TTLL7: variants seen among roughly 807,000 people sequenced by gnomAD.
The protein encoded by TTLL7 is tubulin polyglutamylase TTLL7.
TTLL7 carries 53 observed loss-of-function variants against 120.2 expected under a neutral mutation model. The observed-to-expected ratio is 0.44, with a 90% CI of 0.35 to 0.55. The LOEUF (loss-of-function observed/expected upper bound fraction) is 0.55, where lower values mean the gene tolerates loss of function less well. TTLL7 is among the 20% of genes least tolerant of loss of function. TTLL7 has a pLI of 0.00. For synonymous variants in TTLL7, 353 were observed against 351.7 expected, an observed-to-expected ratio of 1.00 and a Z score of -0.04; for missense variants, 803 against 1,054.7, an observed-to-expected ratio of 0.76 and a Z score of 3.31.
intron 1 of TTLL7, among the ~76,000 whole-genome samples, chr1:83,997,225 G>A (rs1653564203): frequency 6.6e-6 from 1 of 152,130 alleles, no homozygotes; most frequent in African/African-American, 2.4e-5. Flanking sequence ...CTCTGTTCCT[G>A]CCTACCATCA....
At chr1:83,988,951 G>A (rs192430391) in intron 1 of TTLL7, among the ~76,000 whole-genome samples, 3 of 152,000 alleles carry the variant, frequency 2.0e-5, no homozygotes, top group Non-Finnish European at 4.4e-5. Context: ...TTTGTGATCC[G>A]CCCTCCTCGG....
chr1:83,899,233 G>C (rs919308906), intron 18 of TTLL7, among the ~76,000 whole-genome samples: 1 of 151,892 alleles, frequency 6.6e-6, no homozygotes, highest in Non-Finnish European at 1.5e-5. Context: ...TATTTTCCCA[G>C]ATGTGCCTCA....
chr1:83,866,953 T>C lies in TTLL7; in HGVS notation c.*3009A>G, dbSNP rs536753985. On this transcript the variant is annotated 3_prime_UTR_variant, in exon 21 of 21. Transcript: ENST00000260505. ...TTCTAGAAATTATTCAAATATTGCA[T>C]AGTTCTAGAAAGCATTCCAATCTTA... 2.0e-5 allele frequency: 3 copies of C among 152,026 alleles called. No individual in the cohort carries two copies. The East Asian group carries it at 5.8e-4, about 29-fold the overall frequency. 9.4% of individuals were successfully genotyped at this position (152,026 alleles called of 1,614,324 possible).
At chr1:83,983,555 T>A (rs779764218) in intron 1 of TTLL7, among the ~76,000 whole-genome samples, 4 of 151,988 alleles carry the variant, frequency 2.6e-5, no homozygotes, top group Admixed American at 6.6e-5. Flanking sequence ...AAACACTGGC[T>A]TTGACAAAGA....
intron 19 of TTLL7, among the ~76,000 whole-genome samples, chr1:83,884,919 G>A (rs540295779): frequency 1.3e-5 from 2 of 151,712 alleles, no homozygotes; most frequent in Non-Finnish European, 2.9e-5. Flanking sequence ...ATTGGCAAAG[G>A]AATGAAAATT....
Position 83,971,541 on chromosome 1 carries a change from A to C in TTLL7, c.-176-19154T>G, listed in dbSNP as rs1221734500. ...ATAGAGTTGTTGGAGAATGATCCAT[A>C]CATGGTTCACATCCCCAGGATGCCA... On this transcript the variant is annotated intron_variant, in intron 1 of 20. Coordinates refer to ENST00000260505, the MANE Select transcript of TTLL7 (RefSeq NM_024686.6). 5.9e-4 allele frequency among the ~76,000 whole-genome samples: 90 copies of C among 152,034 alleles called. 1 individual carries two copies. The highest frequency in any genetic ancestry group is 2.9e-5 in the Non-Finnish European group (2 of 67,964).
chr1:83,965,408 G>A (rs933883560), intron 1 of TTLL7, among the ~76,000 whole-genome samples: 1 of 151,986 alleles, frequency 6.6e-6, no homozygotes, highest in Admixed American at 6.6e-5. Context: ...TGCGAAGAAG[G>A]TGCCTGCTTC....
At chr1:83,901,154 T>C (rs1236856244) in intron 18 of TTLL7, among the ~76,000 whole-genome samples, 1 of 151,886 alleles carries the variant, frequency 6.6e-6, no homozygotes, top group Non-Finnish European at 1.5e-5. Context: ...TCCTCCTCTA[T>C]CCCCCACCCA....
chr1:83,982,963 T>C (rs1175264273), intron 1 of TTLL7, among the ~76,000 whole-genome samples: 3 of 151,852 alleles, frequency 2.0e-5, no homozygotes, highest in Non-Finnish European at 2.9e-5. Flanking sequence ...CAAAGACCAA[T>C]GGAACAGAAC....
rs1011204065 is a variant in TTLL7, at chr1:83,867,421, T to A, written c.*2541A>T. ...AATAGGCAAATGAAGGCAATAAAAT[T>A]GTAACGCTCAAAATAAGGCCAGACA... On this transcript the variant is annotated 3_prime_UTR_variant, in exon 21 of 21. Coordinates refer to ENST00000260505, the MANE Select transcript of TTLL7 (RefSeq NM_024686.6). 1 of 151,956 alleles carries A rather than the reference T, an allele frequency of 6.6e-6. No homozygotes were observed. Among genetic ancestry groups the A allele is most frequent in the Non-Finnish European group, 1.5e-5 (1 of 67,872 alleles). 9.4% of individuals were successfully genotyped at this position (151,956 alleles called of 1,614,324 possible). A position where few individuals can be genotyped will look rare whatever the true frequency, so the allele number is the denominator to read the frequency against.
Position 83,901,598 on chromosome 1 carries a change from C to T in TTLL7, c.2208+2481G>A, listed in dbSNP as rs187514332. On this transcript the variant is annotated intron_variant, in intron 18 of 20. Coordinates refer to ENST00000260505, the MANE Select transcript of TTLL7 (RefSeq NM_024686.6). ...AATTCCATATTTCCATTAATCGAAGCCAAAGTCAGCGACTTGAAAACATAT... is the reference window on the plus strand; with the variant it reads ...AATTCCATATTTCCATTAATCGAAGTCAAAGTCAGCGACTTGAAAACATAT... 5.2e-3 allele frequency among the ~76,000 whole-genome samples: 795 copies of T among 152,024 alleles called. 5 individuals are homozygous for T. Among genetic ancestry groups the T allele is most frequent in the Middle Eastern group, 0.034 (10 of 294 alleles).
Position 83,952,376 on chromosome 1 carries a change from A to C in TTLL7, c.-165T>G. The stretch of plus-strand genomic sequence containing the variant: ...GATTTCAGGATACCAAAGTTATGGG[A>C]TAACAAGGTACCTGCAGTGATTTTA... On this transcript the variant is annotated 5_prime_UTR_variant, in exon 2 of 21. Transcript: ENST00000260505. 1.6e-6 allele frequency: 1 copy of C among 630,756 alleles called. No individual in the cohort carries two copies. Among genetic ancestry groups the C allele is most frequent in the Non-Finnish European group, 2.5e-6 (1 of 395,872 alleles). 39.1% of individuals were successfully genotyped at this position (630,756 alleles called of 1,614,324 possible).
chr1:83,946,500 T>G (rs191151636), intron 6 of TTLL7: 1 of 152,316 alleles, frequency 6.6e-6, no homozygotes, highest in African/African-American at 2.4e-5. Flanking sequence ...AGTCATTTAT[T>G]TTCATTATTA....
intron 1 of TTLL7, among the ~76,000 whole-genome samples, chr1:83,995,305 T>C (rs751955795): frequency 5.3e-5 from 8 of 151,926 alleles, no homozygotes; most frequent in Non-Finnish European, 2.9e-5. Context: ...TTGAATTTTA[T>C]TCCCCAGTGT....
At chr1:83,902,673 GCC>G (rs2100754536) in intron 18 of TTLL7, among the ~76,000 whole-genome samples, 1 of 151,902 alleles carries the variant, frequency 6.6e-6, no homozygotes, top group Non-Finnish European at 1.5e-5. Flanking sequence ...AGTGGCTCAG[GCC>G]TCAGTCCTTG....
At chr1:83,884,288 G>A (rs1310554570) in intron 19 of TTLL7, among the ~76,000 whole-genome samples, 1 of 151,866 alleles carries the variant, frequency 6.6e-6, no homozygotes, top group Non-Finnish European at 1.5e-5. Flanking sequence ...ATAACCCTCA[G>A]AGAGAAAAGC....
At chr1:83,943,723 T>C (rs1648208026) in intron 6 of TTLL7, among the ~76,000 whole-genome samples, 1 of 152,130 alleles carries the variant, frequency 6.6e-6, no homozygotes, top group African/African-American at 2.4e-5. Context: ...AATGTTCGGA[T>C]TTCAACAAAA....
chr1:83,922,934 T>A (rs1176585127), intron 10 of TTLL7, among the ~76,000 whole-genome samples: 1 of 150,654 alleles, frequency 6.6e-6, no homozygotes, highest in Admixed American at 6.6e-5. Flanking sequence ...AAGGTAAGTT[T>A]AGAGTAATAT....
At chr1:83,920,489 T>C (rs1658549527) in intron 12 of TTLL7, 1 of 153,140 alleles carries the variant, frequency 6.5e-6, no homozygotes, top group Non-Finnish European at 1.5e-5. Context: ...ATCACTACTG[T>C]TGATGGTGTT....
Sources: allele counts gnomAD v4.1 joint callset (sites outside exome capture counted in the v4.1 genomes callset), GRCh38; gene constraint gnomAD v4.1.1; transcripts MANE v1.5; gene names NCBI Gene and HGNC (gene_info 2026-07-23, HGNC 2026-07-21).